The following NLRP14 variants were observed in gnomAD, a reference collection of about 807,000 sequenced individuals.
The protein encoded by NLRP14 is NLR family pyrin domain containing 14.
A neutral mutation model predicts 94.7 loss-of-function variants in NLRP14; 105 were observed. The ratio of observed to expected loss-of-function variants is 1.11; its 90% CI spans 0.95 to 1.30. The LOEUF is 1.30. Ranked by LOEUF, NLRP14 falls within the 50% of genes most tolerant of loss-of-function variation. The probability of loss-of-function intolerance (pLI) is 0.00; values close to 1 mark genes in which losing one functional copy is unlikely to be tolerated. For synonymous variants in NLRP14, 508 were observed against 459.9 expected (o/e 1.10, Z -1.34); for missense variants, 1,362 against 1,254.1 (o/e 1.09, Z -1.30).
At chr11:7,072,467 A>G (rs1852815075), downstream of NLRP14, among the ~76,000 whole-genome samples, 1 of 152,220 alleles carries the variant, frequency 6.6e-6, no homozygotes. Context: ...CTTGGAAGAA[A>G]TCAAGCAGGC....
chr11:7,088,554 A>G, the NLRP14 span, among the ~76,000 whole-genome samples: 1 of 152,234 alleles, frequency 6.6e-6, no homozygotes, highest in Admixed American at 6.5e-5. Context: ...AGCACCAAAT[A>G]AAATCAAAAC....
chr11:7,085,473 A>G, the NLRP14 span, among the ~76,000 whole-genome samples: 2 of 152,224 alleles, frequency 1.3e-5, no homozygotes, highest in Admixed American at 6.5e-5. Flanking sequence ...GTAAAATCAT[A>G]CAGTATTAGT....
At chr11:7,078,910 C>T in the NLRP14 span, among the ~76,000 whole-genome samples, 1 of 152,160 alleles carries the variant, frequency 6.6e-6, no homozygotes, top group Non-Finnish European at 1.5e-5. Context: ...ATGTCTGGAC[C>T]ATTGAACCAG....
At chr11:7,065,816 C>G (rs564687340) in intron 10 of NLRP14, among the ~76,000 whole-genome samples, 1 of 152,120 alleles carries the variant, frequency 6.6e-6, no homozygotes, top group Admixed American at 6.6e-5. Context: ...CCCATCAACC[C>G]ATCATCTATA....
At chr11:7,060,131 A>G in intron 9 of NLRP14, 67 bp downstream of exon 9, 3 of 1,343,326 alleles carry the variant, frequency 2.2e-6, no homozygotes, top group Non-Finnish European at 3.2e-6. Context: ...ATACTGAAAG[A>G]AAGGCTGAGA....
In NLRP14 at chr11:7,043,818, G is replaced by A. The variant is rs1852309855; in HGVS notation, c.1792G>A (p.Ala598Thr). The change falls in exon 4 of 12, where the codon GCA becomes ACA. Residue 598 changes from alanine to threonine, a missense_variant. By Grantham distance (58) the Ala-to-Thr change is moderately conservative. Transcript: ENST00000299481. ...TCAAGATAAAGCGTTTATAAGCCAG[G>A]CAATGAGATGTTTCCCAAAGGTTGC... is the stretch of plus-strand genomic sequence containing the variant. Reference protein sequence around the residue: ...ETQDKAFISQAMRCFPKVAIN... With the variant: ...ETQDKAFISQTMRCFPKVAIN... The A allele has an allele frequency of 1.2e-6, 2 of 1,614,048 alleles. No individual in the cohort carries two copies. The highest frequency in any genetic ancestry group is 1.7e-6 in the Non-Finnish European group (2 of 1,180,016).
At chr11:7,024,733 T>C (rs1851991112) in intron 1 of NLRP14, among the ~76,000 whole-genome samples, 1 of 152,002 alleles carries the variant, frequency 6.6e-6, no homozygotes, top group Non-Finnish European at 1.5e-5. Flanking sequence ...AGAACATTTG[T>C]ACATTTTAAT....
At chr11:7,048,490 G>C (rs575021845) in intron 5 of NLRP14, among the ~76,000 whole-genome samples, 2 of 152,214 alleles carry the variant, frequency 1.3e-5, no homozygotes, top group South Asian at 4.2e-4. Context: ...GTTTCCATTA[G>C]CACTGAAAAT....
chr11:7,023,393 TTTTTTA>T lies in NLRP14; in HGVS notation c.-22+2625_-22+2630del, dbSNP rs943396039. Among the ~76,000 whole-genome samples the T allele has an allele frequency of 4.2e-3, 622 of 146,414 alleles. 2 individuals carry two copies. Among genetic ancestry groups the T allele is most frequent in the Non-Finnish European group, 7.4e-3 (490 of 66,306 alleles). The stretch of plus-strand genomic sequence containing the variant: ...ATATATATCATGTTTAGCTTGGAAA[TTTTTTA>T]TATAAAAACATTTTTATATAAAAAC... On this transcript the variant is annotated intron_variant, in intron 1 of 11. Transcript: ENST00000299481.
At chr11:7,058,252 G>A (rs1452972817) in intron 7 of NLRP14, 28 bp from the exon 8 acceptor site, 12 of 1,600,280 alleles carry the variant, frequency 7.5e-6, no homozygotes, top group African/African-American at 1.3e-5. Flanking sequence ...GGAATTGACA[G>A]ATCTCTTCTC....
At chr11:7,037,178 C>G (rs550694513) in intron 1 of NLRP14, among the ~76,000 whole-genome samples, 6 of 152,244 alleles carry the variant, frequency 3.9e-5, no homozygotes, top group Non-Finnish European at 7.4e-5. Flanking sequence ...GAAGTTTCCT[C>G]AAATCTTTTC....
intron 1 of NLRP14, among the ~76,000 whole-genome samples, chr11:7,023,111 T>C (rs1286547874): frequency 2.0e-5 from 3 of 151,962 alleles, no homozygotes; most frequent in Admixed American, 6.6e-5. Flanking sequence ...CAAATTAAAA[T>C]TTTATGAATA....
Position 7,057,847 on chromosome 11 carries a change from C to G in NLRP14, c.2462C>G (p.Ser821Cys). The part of the protein sequence containing the change: ...RHPKCYLERL[S>C]LESCGLTEAG... ...CCAAAGTGTTATCTAGAGAGACTGT[C>G]GTGAGTGTTTCTGTTTTGTTTTCTG... The change falls in exon 7 of 12, where the codon TCC (serine) becomes TGC (cysteine). Residue 821 changes from serine (S) to cysteine (C), a missense_variant and splice_region_variant. Ser to Cys is a moderately radical substitution (Grantham distance 112, BLOSUM62 -1). Coordinates refer to ENST00000299481, the MANE Select transcript of NLRP14 (RefSeq NM_176822.4). The G allele has an allele frequency of 1.9e-6, 3 of 1,610,456 alleles. No individual in the cohort carries two copies. The South Asian group carries it at 3.3e-5, about 18-fold the overall frequency.
chr11:7,039,490 T>G (rs1331778514), intron 2 of NLRP14, among the ~76,000 whole-genome samples: 1 of 152,020 alleles, frequency 6.6e-6, no homozygotes, highest in Admixed American at 6.6e-5. Flanking sequence ...AGCTACAAGG[T>G]GGGGGCCATG....
At chr11:7,024,962 T>C (rs1202077350) in intron 1 of NLRP14, among the ~76,000 whole-genome samples, 3 of 152,070 alleles carry the variant, frequency 2.0e-5, no homozygotes, top group Non-Finnish European at 4.4e-5. Flanking sequence ...TAAGACTTAA[T>C]ATGTAGACAC....
At chr11:7,049,287 A>C (rs1018784982) in intron 5 of NLRP14, among the ~76,000 whole-genome samples, 1 of 152,204 alleles carries the variant, frequency 6.6e-6, no homozygotes, top group South Asian at 2.1e-4. Flanking sequence ...GCGTTTTGTT[A>C]TTACTGCACA....
At chr11:7,072,362 A>T (rs1011808704), downstream of NLRP14, among the ~76,000 whole-genome samples, 1 of 152,230 alleles carries the variant, frequency 6.6e-6, no homozygotes, top group African/African-American at 2.4e-5. Context: ...ATTCTCAGCA[A>T]TTTTGATCCT....
At chr11:7,063,355 T>G (rs1589872306) in intron 10 of NLRP14, among the ~76,000 whole-genome samples, 1 of 152,052 alleles carries the variant, frequency 6.6e-6, no homozygotes, top group East Asian at 1.9e-4. Flanking sequence ...GTCAGTTCCT[T>G]TTGTCCCCCG....
intron 1 of NLRP14, among the ~76,000 whole-genome samples, chr11:7,031,081 G>C (rs1198316396): frequency 1.3e-5 from 2 of 152,202 alleles, no homozygotes; most frequent in African/African-American, 4.8e-5. Flanking sequence ...TCTTCTCTCA[G>C]GGGAGGAGGA....
Sources: allele counts gnomAD v4.1 joint callset (sites outside exome capture counted in the v4.1 genomes callset), GRCh38; gene constraint gnomAD v4.1.1; transcripts MANE v1.5; gene names NCBI Gene and HGNC (gene_info 2026-07-23, HGNC 2026-07-21).